Variants in RGS7 observed in about 807,000 individuals in gnomAD.
RGS7 encodes regulator of G-protein signaling 7.
A neutral mutation model predicts 81.1 loss-of-function variants in RGS7; 27 were observed. That is an observed-to-expected ratio of 0.33 (90% confidence interval 0.25 to 0.46). The LOEUF (loss-of-function observed/expected upper bound fraction) is 0.46, where lower values mean the gene tolerates loss of function less well. Ranked by LOEUF, RGS7 falls within the 20% of genes least tolerant of loss-of-function variation. The pLI is 1.00. For missense variants in RGS7, 396 were observed against 607.4 expected (o/e 0.65, Z 3.66); for synonymous variants, 208 against 207.7 (o/e 1.00, Z -0.01).
Position 241,204,385 on chromosome 1 carries a change from G to C in RGS7, c.79-105623C>G, listed in dbSNP as rs7553762. ...AGAGATGGGCTGCAGGGGGTGGATA[G>C]ATAAGATGTGGTGTGCAAGTTCTTA... On this transcript the variant is annotated intron_variant, in intron 2 of 18. Coordinates refer to ENST00000440928, the MANE Select transcript of RGS7 (RefSeq NM_001364886.1). Among the ~76,000 whole-genome samples the C allele has an allele frequency of 4.0e-3, 602 of 152,290 alleles. 4 individuals are homozygous for C. The highest frequency in any genetic ancestry group is 0.014 in the African/African-American group (580 of 41,560).
At chr1:240,958,268 C>T (rs1008663233) in intron 4 of RGS7, among the ~76,000 whole-genome samples, 3 of 152,192 alleles carry the variant, frequency 2.0e-5, no homozygotes, top group African/African-American at 4.8e-5. Flanking sequence ...GTTCCAGATA[C>T]GATGTCAGAT....
chr1:241,286,640 T>G (rs576262464), intron 2 of RGS7, among the ~76,000 whole-genome samples: 76 of 152,282 alleles, frequency 5.0e-4, no homozygotes, highest in South Asian at 4.4e-3. Flanking sequence ...TCCTTCTCCT[T>G]TCCATTTGGC....
intron 2 of RGS7, among the ~76,000 whole-genome samples, chr1:241,181,533 C>A (rs1319417279): frequency 1.3e-5 from 2 of 152,204 alleles, no homozygotes; most frequent in African/African-American, 2.4e-5. Context: ...TCTTAGCATA[C>A]AGCAGATCAA....
intron 2 of RGS7, among the ~76,000 whole-genome samples, chr1:241,238,967 T>TC (rs1553295997): frequency 0.22 from 3,022 of 13,464 alleles, 73 homozygotes; most frequent in African/African-American, 0.32. Flanking sequence ...CCTCTCTCTC[T>TC]TTTTTTTTTT....
intron 2 of RGS7, among the ~76,000 whole-genome samples, chr1:241,306,169 T>C (rs866546324): frequency 3.5e-5 from 5 of 141,930 alleles, no homozygotes; most frequent in African/African-American, 1.1e-4. Context: ...TCCACACACA[T>C]TCACACACCC....
chr1:241,065,675 T>C (rs1367726801), intron 3 of RGS7, among the ~76,000 whole-genome samples: 1 of 152,230 alleles, frequency 6.6e-6, no homozygotes, highest in Non-Finnish European at 1.5e-5. Context: ...ATGGTTATTC[T>C]TAAAAACAAA....
chr1:241,273,175 A>G (rs1468601045), intron 2 of RGS7, among the ~76,000 whole-genome samples: 3 of 105,030 alleles, frequency 2.9e-5, no homozygotes, highest in Admixed American at 1.0e-4. Flanking sequence ...ATAATAATGA[A>G]CCCCCCCCCC....
intron 2 of RGS7, among the ~76,000 whole-genome samples, chr1:241,107,824 TA>T (rs1483387725): frequency 6.6e-6 from 1 of 152,184 alleles, no homozygotes; most frequent in Admixed American, 6.5e-5. Flanking sequence ...AACTTTGATT[TA>T]TAACACTGGA....
chr1:241,252,339 G>T (rs559962596), intron 2 of RGS7, among the ~76,000 whole-genome samples: 1 of 152,022 alleles, frequency 6.6e-6, no homozygotes, highest in Non-Finnish European at 1.5e-5. Flanking sequence ...CCACAGCGCC[G>T]GACCTTGACT....
chr1:240,890,067 CGTACTCA>C (rs1558420747), intron 6 of RGS7, among the ~76,000 whole-genome samples: 1 of 152,186 alleles, frequency 6.6e-6, no homozygotes, highest in African/African-American at 2.4e-5. Context: ...TCTGCCCTCC[CGTACTCA>C]GTCCTGCAAA....
intron 6 of RGS7, among the ~76,000 whole-genome samples, chr1:240,877,551 AC>A (rs1665649401): frequency 6.6e-6 from 1 of 152,090 alleles, no homozygotes; most frequent in Non-Finnish European, 1.5e-5. Context: ...GTTGTGGCTA[AC>A]TTTTCATATC....
At chr1:241,328,631 C>T (rs2081764133) in intron 2 of RGS7, among the ~76,000 whole-genome samples, 1 of 152,204 alleles carries the variant, frequency 6.6e-6, no homozygotes, top group African/African-American at 2.4e-5. Flanking sequence ...CAGCTGGTAT[C>T]ATGGCTGTCT....
At chr1:240,878,077 G>C (rs1031023943) in intron 6 of RGS7, among the ~76,000 whole-genome samples, 5 of 152,002 alleles carry the variant, frequency 3.3e-5, no homozygotes, top group African/African-American at 1.2e-4. Flanking sequence ...CTTCCACCCT[G>C]CCTGAGCCTC....
chr1:241,247,697 C>T (rs1480689223), intron 2 of RGS7, among the ~76,000 whole-genome samples: 1 of 149,170 alleles, frequency 6.7e-6, no homozygotes, highest in Non-Finnish European at 1.5e-5. Context: ...TTCCTTTTCT[C>T]AACTAAAAAA....
intron 2 of RGS7, among the ~76,000 whole-genome samples, chr1:241,121,793 C>A (rs1001770919): frequency 7.7e-6 from 1 of 130,226 alleles, no homozygotes. Flanking sequence ...CCATGGCTTA[C>A]TGCAGCCTCA....
chr1:241,305,605 G>C (rs1397276160), intron 2 of RGS7: 5 of 152,232 alleles, frequency 3.3e-5, no homozygotes, highest in African/African-American at 1.2e-4. Flanking sequence ...GCTTTCCTCA[G>C]GGCGGGGCCG....
At chr1:241,173,622 C>CA (rs1422915414) in intron 2 of RGS7, among the ~76,000 whole-genome samples, 1 of 151,872 alleles carries the variant, frequency 6.6e-6, no homozygotes, top group Non-Finnish European at 1.5e-5. Context: ...CTGGTCTTTA[C>CA]AAAAAACAAT....
chr1:241,058,322 T>C (rs1448071311), intron 3 of RGS7, among the ~76,000 whole-genome samples: 1 of 152,174 alleles, frequency 6.6e-6, no homozygotes, highest in Non-Finnish European at 1.5e-5. Context: ...GGCCATTGTG[T>C]ATGTGCGCAG....
chr1:241,161,985 G>A (rs889748697), intron 2 of RGS7, among the ~76,000 whole-genome samples: 2 of 152,018 alleles, frequency 1.3e-5, no homozygotes, highest in Non-Finnish European at 2.9e-5. Context: ...CCAAAGTGCT[G>A]GGATTACAGG....
Sources: gnomAD v4.1 joint callset for allele counts (sites outside exome capture counted in the v4.1 genomes callset) on GRCh38, gnomAD v4.1.1 for gene constraint, MANE v1.5 for transcripts, NCBI Gene and HGNC (gene_info 2026-07-23, HGNC 2026-07-21) for gene names.